The following ELOVL7 variants were observed in gnomAD, a reference collection of about 807,000 sequenced individuals.
ELOVL7 encodes the protein ELOVL fatty acid elongase 7, also known as very long chain fatty acid elongase 7.
A neutral mutation model predicts 35.7 loss-of-function variants in ELOVL7; 27 were observed. The observed-to-expected ratio is 0.76, with a 90% CI of 0.56 to 1.04. The LOEUF (loss-of-function observed/expected upper bound fraction) is 1.04. ELOVL7 is among the 50% of genes least tolerant of loss of function. The pLI is 0.00. For synonymous variants in ELOVL7, 113 were observed against 114.6 expected, an observed-to-expected ratio of 0.99 and a Z score of 0.09; for missense variants, 327 against 340.8, an observed-to-expected ratio of 0.96 and a Z score of 0.32.
intron 3 of ELOVL7, among the ~76,000 whole-genome samples, chr5:60,773,668 G>A (rs1742735067): frequency 6.6e-6 from 1 of 152,126 alleles, no homozygotes; most frequent in Non-Finnish European, 1.5e-5. Context: ...AAGCAGGGAA[G>A]GAAGAGATCT....
At chr5:60,810,716 A>G (rs1052909242) in intron 1 of ELOVL7, among the ~76,000 whole-genome samples, 1 of 152,088 alleles carries the variant, frequency 6.6e-6, no homozygotes, top group Non-Finnish European at 1.5e-5. Context: ...TCCTGCACAT[A>G]CCTCTATATT....
chr5:60,760,037 A>G (rs1424873982), intron 7 of ELOVL7, among the ~76,000 whole-genome samples: 1 of 152,124 alleles, frequency 6.6e-6, no homozygotes, highest in Non-Finnish European at 1.5e-5. Context: ...CCAGTCTATC[A>G]TTGTTGGACA....
chr5:60,790,939 T>G (rs1743900839), intron 2 of ELOVL7, among the ~76,000 whole-genome samples: 2 of 152,300 alleles, frequency 1.3e-5, no homozygotes, highest in South Asian at 4.1e-4. Flanking sequence ...CTTATCCTTT[T>G]GTTTTAGTTT....
At chr5:60,811,306 TA>T (rs761327213) in intron 1 of ELOVL7, among the ~76,000 whole-genome samples, 5 of 152,178 alleles carry the variant, frequency 3.3e-5, no homozygotes, top group Non-Finnish European at 7.4e-5. Flanking sequence ...ATATATAGCA[TA>T]GAAGATAGTA....
chr5:60,775,190 C>G (rs1742832285), intron 3 of ELOVL7, among the ~76,000 whole-genome samples: 1 of 152,170 alleles, frequency 6.6e-6, no homozygotes, highest in South Asian at 2.1e-4. Flanking sequence ...CTTCAACCCT[C>G]AAGCTGACAG....
At chr5:60,773,930 C>T (rs772131753) in intron 3 of ELOVL7, among the ~76,000 whole-genome samples, 2 of 152,194 alleles carry the variant, frequency 1.3e-5, no homozygotes, top group Admixed American at 6.5e-5. Flanking sequence ...ATTCTCCAAA[C>T]GTATTTGGCC....
intron 4 of ELOVL7, among the ~76,000 whole-genome samples, chr5:60,770,790 CA>C (rs1295622190): frequency 6.6e-6 from 1 of 152,184 alleles, no homozygotes; most frequent in East Asian, 1.9e-4. Context: ...CTTGACCTCC[CA>C]GGCTCAAGTG....
chr5:60,783,363 G>A (rs912554077), intron 3 of ELOVL7, among the ~76,000 whole-genome samples: 3 of 152,152 alleles, frequency 2.0e-5, no homozygotes, highest in African/African-American at 7.2e-5. Flanking sequence ...CCCTTACTGA[G>A]CAAATAAAAT....
Position 60,796,081 on chromosome 5 carries a change from G to A in ELOVL7, c.-35+3099C>T, listed in dbSNP as rs139965366. Among the ~76,000 whole-genome samples, 355 of 152,242 alleles carry A rather than the reference G, an allele frequency of 2.3e-3. 3 individuals carry two copies. The highest frequency in any genetic ancestry group is 8.3e-3 in the African/African-American group (345 of 41,556). ...CAAGTCTCTGCTCCTACCATCTTTG[G>A]CAGGAAAAATCCCTGAGATAAGTAA... On this transcript the variant is annotated intron_variant, in intron 2 of 8. Transcript: ENST00000508821.
rs1584134427 is a variant in ELOVL7 at position 60,752,435 on chromosome 5, CTT to C, written c.*2187_*2188del. The C allele has an allele frequency of 6.6e-6, 1 of 152,582 alleles. No homozygotes were observed. The highest frequency in any genetic ancestry group is 2.1e-4 in the South Asian group (1 of 4,820). The allele number at this position is 152,582 out of a possible 1,614,324, so 9.5% of individuals were successfully genotyped here. A position where few individuals can be genotyped will look rare whatever the true frequency, so the allele number is the denominator to read the frequency against. On this transcript the variant is annotated 3_prime_UTR_variant, in exon 9 of 9. Coordinates refer to ENST00000508821, the MANE Select transcript of ELOVL7 (RefSeq NM_024930.3). ...AGAAATAAACTCTCCTGTTTCATCT[CTT>C]TTATTTTTGCCTCATTTTGGTCTCT... is the stretch of plus-strand genomic sequence containing the variant.
chr5:60,817,164 A>C (rs1341776458), intron 1 of ELOVL7, among the ~76,000 whole-genome samples: 1 of 151,852 alleles, frequency 6.6e-6, no homozygotes, highest in African/African-American at 2.4e-5. Flanking sequence ...GAGAAATGAA[A>C]CTGAAAGGAA....
chr5:60,802,981 C>T (rs1240312493), intron 1 of ELOVL7, among the ~76,000 whole-genome samples: 1 of 152,132 alleles, frequency 6.6e-6, no homozygotes, highest in Admixed American at 6.5e-5. Context: ...ACAGTAGCAA[C>T]CCTTCCAAAT....
At chr5:60,790,997 A>C (rs1373365603) in intron 2 of ELOVL7, among the ~76,000 whole-genome samples, 1 of 151,972 alleles carries the variant, frequency 6.6e-6, no homozygotes, top group Non-Finnish European at 1.5e-5. Context: ...TTGTTTTCTG[A>C]GACAGGGTCT....
intron 3 of ELOVL7, among the ~76,000 whole-genome samples, chr5:60,773,164 G>A (rs1742700821): frequency 6.6e-6 from 1 of 152,138 alleles, no homozygotes; most frequent in African/African-American, 2.4e-5. Context: ...AGTAGTTCAG[G>A]TTTAATTTTA....
intron 3 of ELOVL7, among the ~76,000 whole-genome samples, chr5:60,781,323 T>G (rs1459213404): frequency 6.6e-6 from 1 of 152,206 alleles, no homozygotes; most frequent in Admixed American, 6.5e-5. Flanking sequence ...TTTTTTCTTT[T>G]GCTTTATAAA....
Position 60,754,637 on chromosome 5 carries a change from T to C in ELOVL7, c.833A>G (p.Asn278Ser). The C allele has an allele frequency of 6.2e-7, 1 of 1,613,880 alleles. No individual in the cohort carries two copies. Among genetic ancestry groups the C allele is most frequent in the Non-Finnish European group, 8.5e-7 (1 of 1,179,842 alleles). ...TTATGTTGGGCTTCAATTATCTTTG[T>C]TTTTGCAAGTTCCATTTTTCACAGT... The part of the protein sequence containing the change: ...PKTVKNGTCK[N>S]KDN Residue 278 changes from asparagine to serine, a missense_variant, in exon 9 of 9, where the codon AAC becomes AGC. Transcript: ENST00000508821.
intron 1 of ELOVL7, among the ~76,000 whole-genome samples, chr5:60,806,523 T>C (rs1175675281): frequency 2.0e-5 from 3 of 151,342 alleles, no homozygotes; most frequent in African/African-American, 7.3e-5. Context: ...CTGAGACAAA[T>C]TTAAAGAAGC....
At chr5:60,780,714 G>A (rs564903006) in intron 3 of ELOVL7, among the ~76,000 whole-genome samples, 1 of 152,250 alleles carries the variant, frequency 6.6e-6, no homozygotes, top group African/African-American at 2.4e-5. Context: ...AGTGCCAGCA[G>A]GGGAAATGCC....
intron 2 of ELOVL7, among the ~76,000 whole-genome samples, chr5:60,791,035 T>G (rs1211335117): frequency 6.6e-6 from 1 of 152,172 alleles, no homozygotes; most frequent in Non-Finnish European, 1.5e-5. Flanking sequence ...TGGAGTGCAC[T>G]TAGAGAGCTT....
Sources: allele counts gnomAD v4.1 joint callset (sites outside exome capture counted in the v4.1 genomes callset), GRCh38; gene constraint gnomAD v4.1.1; transcripts MANE v1.5; gene names NCBI Gene and HGNC (gene_info 2026-07-23, HGNC 2026-07-21).